PLEKHA5: variants seen among roughly 807,000 people sequenced by gnomAD.
The protein encoded by PLEKHA5 is pleckstrin homology domain-containing family A member 5.
In PLEKHA5, 55 loss-of-function variants were observed where a neutral mutation model predicts 181.9. That is an observed-to-expected ratio of 0.30 (90% CI 0.24 to 0.38). The LOEUF (loss-of-function observed/expected upper bound fraction) is 0.38. Among genes scored for constraint, PLEKHA5 ranks in the 10% least tolerant of loss-of-function variants. The pLI, the probability that PLEKHA5 is intolerant of heterozygous loss-of-function variation, is 1.00. For synonymous variants in PLEKHA5, 535 were observed against 529.4 expected (o/e 1.01, Z -0.15); for missense variants, 1,432 against 1,549.5 (o/e 0.92, Z 1.27).
At chr12:19,203,293 A>G (rs1408272579) in intron 3 of PLEKHA5, among the ~76,000 whole-genome samples, 1 of 152,064 alleles carries the variant, frequency 6.6e-6, no homozygotes, top group Non-Finnish European at 1.5e-5. Context: ...TCTGTCTCTT[A>G]GAGTTGACTC....
chr12:19,146,553 A>G (rs776966768), intron 3 of PLEKHA5, among the ~76,000 whole-genome samples: 7 of 152,220 alleles, frequency 4.6e-5, no homozygotes, highest in Non-Finnish European at 7.3e-5. Flanking sequence ...AAAAGTATAT[A>G]CATGTAATGC....
At chr12:19,340,954 A>G (rs1173094188) in intron 21 of PLEKHA5, among the ~76,000 whole-genome samples, 3 of 111,304 alleles carry the variant, frequency 2.7e-5, no homozygotes, top group African/African-American at 1.0e-4. Context: ...ATAAAAAAAA[A>G]AAAAAAAAGA....
intron 3 of PLEKHA5, chr12:19,150,760 G>A (rs1276548796): frequency 2.0e-5 from 3 of 152,228 alleles, no homozygotes; most frequent in Non-Finnish European, 2.9e-5. Flanking sequence ...AGGGAGGGCC[G>A]TGGTCAGTAG....
In PLEKHA5 at chr12:19,359,472, G is replaced by C. The variant is rs2095115498; in HGVS notation, c.3409G>C (p.Asp1137His). 1.2e-6 allele frequency: 2 copies of C among 1,613,752 alleles called. No homozygotes were observed. Among genetic ancestry groups the C allele is most frequent in the Non-Finnish European group, 1.7e-6 (2 of 1,179,698 alleles). ...TAIRENDVKP[D>H]HETPATEIVQ... ...CATTAGAGAAAATGATGTAAAGCCAGACCATGAAACTCCTGCAACAGAAAT... is the reference window on the plus strand; with the variant it reads ...CATTAGAGAAAATGATGTAAAGCCACACCATGAAACTCCTGCAACAGAAAT... Residue 1137 changes from aspartate to histidine, a missense_variant, in exon 28 of 32, where the codon GAC (aspartate) becomes CAC (histidine). Around this residue, in one of 2 missense-constraint regions of PLEKHA5, gnomAD observed 1,143 missense variants for 1,168.4 expected, o/e 0.98. Coordinates refer to ENST00000429027, the MANE Select transcript of PLEKHA5 (RefSeq NM_001256470.2).
chr12:19,285,451 A>G (rs532282664), intron 12 of PLEKHA5, among the ~76,000 whole-genome samples: 15 of 152,302 alleles, frequency 9.8e-5, no homozygotes, highest in African/African-American at 3.1e-4. Flanking sequence ...AAACTATCCT[A>G]TCCTCTTCCT....
At chr12:19,145,280 C>A (rs2038610399) in intron 3 of PLEKHA5, among the ~76,000 whole-genome samples, 1 of 152,070 alleles carries the variant, frequency 6.6e-6, no homozygotes, top group African/African-American at 2.4e-5. Flanking sequence ...TAGTTATTAT[C>A]AGTGGCAGTA....
intron 3 of PLEKHA5, among the ~76,000 whole-genome samples, chr12:19,199,491 A>G (rs749182328): frequency 2.0e-5 from 3 of 152,134 alleles, no homozygotes; most frequent in Admixed American, 6.6e-5. Flanking sequence ...TCTCATTTTC[A>G]AGATCCTGTT....
chr12:19,222,415 G>A (rs1011333261), intron 3 of PLEKHA5, among the ~76,000 whole-genome samples: 16 of 151,954 alleles, frequency 1.1e-4, no homozygotes, highest in South Asian at 8.3e-4. Context: ...TGATTTGTTC[G>A]TTCTCAGCTT....
chr12:19,318,560 A>AAC (rs2089770599), intron 16 of PLEKHA5, among the ~76,000 whole-genome samples: 2 of 152,302 alleles, frequency 1.3e-5, no homozygotes, highest in African/African-American at 4.8e-5. Context: ...ATCTAGATGA[A>AAC]ACACTGTCTG....
chr12:19,201,427 G>A (rs1392538034), intron 3 of PLEKHA5: 1 of 152,034 alleles, frequency 6.6e-6, no homozygotes, highest in Non-Finnish European at 1.5e-5. Context: ...GAAAGAGATT[G>A]GCAGTTTCTG....
intron 3 of PLEKHA5, among the ~76,000 whole-genome samples, chr12:19,146,870 T>C (rs2039053260): frequency 6.6e-6 from 1 of 152,216 alleles, no homozygotes; most frequent in African/African-American, 2.4e-5. Flanking sequence ...CTGTATTACT[T>C]TGATAAAATT....
chr12:19,354,420 T>C (rs1317440327), intron 26 of PLEKHA5, among the ~76,000 whole-genome samples: 1 of 148,700 alleles, frequency 6.7e-6, no homozygotes, highest in Admixed American at 6.8e-5. Context: ...CCCAAAGTGC[T>C]GGGATTACAG....
chr12:19,274,735 G>C lies in PLEKHA5; in HGVS notation c.1065G>C (p.Leu355=), dbSNP rs778630138. 2 of 1,614,034 alleles carry C rather than the reference G, an allele frequency of 1.2e-6. No individual in the cohort carries two copies. The stretch of plus-strand genomic sequence containing the variant: ...TTAATAGTGTAAAGCTGAATTCTCT[G>C]CCATCTGAATATGAGAGTGGGTCAG... ...TKINSVKLNS[L]PSEYESGSAC... is the part of the protein sequence containing the mutation. The change falls in exon 11 of 32, where the codon CTG becomes CTC. Residue 355 remains leucine (L), a synonymous_variant. Coordinates refer to ENST00000429027, the MANE Select transcript of PLEKHA5 (RefSeq NM_001256470.2).
intron 29 of PLEKHA5, among the ~76,000 whole-genome samples, chr12:19,365,240 G>A (rs1264343976): frequency 2.0e-5 from 3 of 151,800 alleles, no homozygotes; most frequent in Admixed American, 6.6e-5. Flanking sequence ...GGTGGCAGGC[G>A]CCCGTAGTCC....
intron 20 of PLEKHA5, among the ~76,000 whole-genome samples, chr12:19,328,937 T>C (rs897352572): frequency 7.2e-5 from 11 of 152,160 alleles, no homozygotes; most frequent in African/African-American, 2.7e-4. Context: ...TGCTGCCAGT[T>C]TTTGCCCATC....
chr12:19,229,616 C>T (rs537041497), intron 3 of PLEKHA5, among the ~76,000 whole-genome samples: 32 of 152,214 alleles, frequency 2.1e-4, no homozygotes, highest in African/African-American at 6.3e-4. Flanking sequence ...AGAGGCAGTG[C>T]GGACCCAAAG....
Position 19,322,397 on chromosome 12 carries a change from C to A in PLEKHA5, c.2298+7C>A, listed in dbSNP as rs2153046286. The A allele has an allele frequency of 1.2e-6, 2 of 1,600,942 alleles. No homozygotes were observed. Among genetic ancestry groups the A allele is most frequent in the East Asian group, 2.2e-5 (1 of 44,798 alleles). On this transcript the variant is annotated splice_region_variant and intron_variant, in intron 19 of 31. Coordinates refer to ENST00000429027, the MANE Select transcript of PLEKHA5 (RefSeq NM_001256470.2). ...GCAACTCCACAAGGAGAAAGTAGGA[C>A]AATTATGTTTATTGTCTACAATTGA...
chr12:19,180,019 T>G (rs1403341528), intron 3 of PLEKHA5, among the ~76,000 whole-genome samples: 1 of 152,120 alleles, frequency 6.6e-6, no homozygotes, highest in African/African-American at 2.4e-5. Context: ...CAGGATAAAT[T>G]TATATGAAAA....
At chr12:19,178,500 C>T (rs1192999043) in intron 3 of PLEKHA5, among the ~76,000 whole-genome samples, 1 of 152,122 alleles carries the variant, frequency 6.6e-6, no homozygotes, top group African/African-American at 2.4e-5. Flanking sequence ...TAATTTTATC[C>T]TTAGTTTTCA....
Sources: allele counts gnomAD v4.1 joint callset (sites outside exome capture counted in the v4.1 genomes callset), GRCh38; gene constraint gnomAD v4.1.1; regional missense constraint gnomAD v4.1.1; transcripts MANE v1.5; gene names NCBI Gene and HGNC (gene_info 2026-07-23, HGNC 2026-07-21).